CIB3: variants seen among roughly 807,000 people sequenced by gnomAD.
CIB3 encodes calcium and integrin binding family member 3.
In CIB3, 22 loss-of-function variants were observed where a neutral mutation model predicts 23.4. That is an observed-to-expected ratio of 0.94 (90% confidence interval 0.67 to 1.34). The LOEUF (loss-of-function observed/expected upper bound fraction) is 1.34, where lower values mean the gene tolerates loss of function less well. Among genes scored for constraint, CIB3 ranks in the 40% most tolerant of loss-of-function variants. The pLI, the probability that CIB3 is intolerant of heterozygous loss-of-function variation, is 0.00. For synonymous variants in CIB3, 93 were observed against 95.8 expected (o/e 0.97, Z 0.17); for missense variants, 258 against 247.3 (o/e 1.04, Z -0.29).
At chr19:16,170,587 G>A (rs146640341) in intron 2 of CIB3, among the ~76,000 whole-genome samples, 199 of 152,268 alleles carry the variant, frequency 1.3e-3, no homozygotes, top group African/African-American at 3.6e-3. Context: ...TTGGGAGGCC[G>A]AGGCGGGTGG....
At chr19:16,168,084 TCCC>T in intron 4 of CIB3, 50 bp downstream of exon 4, 5 of 1,540,680 alleles carry the variant, frequency 3.2e-6, no homozygotes, top group East Asian at 2.4e-5. Context: ...CCCACCCAGT[TCCC>T]ACTCCCCACC....
At chr19:16,171,739 C>T (rs1002926765) in intron 2 of CIB3, among the ~76,000 whole-genome samples, 3 of 152,238 alleles carry the variant, frequency 2.0e-5, no homozygotes, top group African/African-American at 7.2e-5. Context: ...CCCGCCCTGT[C>T]TGAGCCTCAG....
At chr19:16,166,881 A>G (rs1222012959) in intron 4 of CIB3, among the ~76,000 whole-genome samples, 1 of 152,126 alleles carries the variant, frequency 6.6e-6, no homozygotes, top group East Asian at 1.9e-4. Flanking sequence ...GGAGTTCAAG[A>G]CCAGCCTGGC....
chr19:16,163,572 A>G (rs1003759176), intron 5 of CIB3, among the ~76,000 whole-genome samples: 5 of 152,180 alleles, frequency 3.3e-5, no homozygotes, highest in African/African-American at 1.2e-4. Flanking sequence ...ACAAACAAAC[A>G]AAAAGAAACA....
At chr19:16,163,138 C>T (rs956540454) in intron 5 of CIB3, among the ~76,000 whole-genome samples, 23 of 151,772 alleles carry the variant, frequency 1.5e-4, no homozygotes, top group African/African-American at 4.6e-4. Flanking sequence ...CGCTCGGCCC[C>T]GTAGTCCCAG....
At chr19:16,164,986 C>T (rs1014253877) in intron 4 of CIB3, 73 bp from the exon 5 acceptor site, 8 of 1,317,952 alleles carry the variant, frequency 6.1e-6, no homozygotes, top group Non-Finnish European at 8.7e-6. Flanking sequence ...ACATACTGTG[C>T]CCATGTTACA....
chr19:16,168,321 AC>A (rs1403412904), intron 3 of CIB3, 37 bp from the exon 4 acceptor site: 1 of 1,609,682 alleles, frequency 6.2e-7, no homozygotes, highest in East Asian at 2.2e-5. Context: ...CCATCCTCTG[AC>A]CCCCAAGGTC....
intron 2 of CIB3, among the ~76,000 whole-genome samples, chr19:16,171,774 G>T (rs952491333): frequency 6.6e-6 from 1 of 152,212 alleles, no homozygotes; most frequent in Admixed American, 6.5e-5. Flanking sequence ...ATTTGATCGT[G>T]ATGGCCGAGG....
intron 4 of CIB3, among the ~76,000 whole-genome samples, chr19:16,167,351 A>G (rs1278035816): frequency 6.6e-6 from 1 of 152,232 alleles, no homozygotes; most frequent in African/African-American, 2.4e-5. Flanking sequence ...CTCAGATGAC[A>G]GGTGGTGAGC....
In CIB3 at chr19:16,172,470, T is replaced by C. The variant is rs76871137; in HGVS notation, c.86+692A>G. 2.2e-3 allele frequency among the ~76,000 whole-genome samples: 336 copies of C among 152,206 alleles called. 1 individual carries two copies. Among genetic ancestry groups the C allele is most frequent in the Non-Finnish European group, 3.6e-3 (248 of 67,994 alleles). On this transcript the variant is annotated intron_variant, in intron 2 of 5. Coordinates refer to ENST00000269878, the MANE Select transcript of CIB3 (RefSeq NM_054113.4). ...GCGCCCAGCCTCAGGAGAATCTTTC[T>C]AACGTGCTGATGGTCTCTCCCCTGC...
intron 4 of CIB3, 102 bp from the exon 5 acceptor site, chr19:16,165,015 C>A (rs372110669): frequency 2.0e-6 from 2 of 1,021,424 alleles, no homozygotes; most frequent in South Asian, 1.4e-5. Context: ...AAACTAAGGT[C>A]GGGCACGGTG....
intron 4 of CIB3, 119 bp from the exon 5 acceptor site, chr19:16,165,032 G>A (rs538375667): frequency 1.2e-4 from 97 of 830,820 alleles, no homozygotes; most frequent in Admixed American, 1.1e-3. Flanking sequence ...GGTGGCTCAC[G>A]CCTGTAATCC....
chr19:16,171,280 A>AT (rs530076641), intron 2 of CIB3, among the ~76,000 whole-genome samples: 308 of 152,304 alleles, frequency 2.0e-3, no homozygotes, highest in Middle Eastern at 6.8e-3. Flanking sequence ...GACAAAAGAT[A>AT]TTTTGCAAAT....
At position 16,168,256 on chromosome 19, in the gene CIB3, T is replaced by C; in HGVS notation, c.227A>G (p.Gln76Arg). 1 of 1,613,876 alleles carries C rather than the reference T, an allele frequency of 6.2e-7. No homozygotes were observed. The highest frequency in any genetic ancestry group is 8.5e-7 in the Non-Finnish European group (1 of 1,179,966). ...GCCATCCCCATCCTCAGAGAATACC[T>C]GGGCAATCCTCTGGCGGAAGGGGTT... ...KDNPFRQRIA[Q>R]VFSEDGDGHM... The change falls in exon 4 of 6, where the codon CAG (glutamine) becomes CGG (arginine). Residue 76 changes from glutamine to arginine, a missense_variant. Gln to Arg is a conservative substitution (Grantham distance 43). Transcript: ENST00000269878.
intron 3 of CIB3, among the ~76,000 whole-genome samples, chr19:16,169,390 C>T (rs1049034639): frequency 2.0e-5 from 3 of 152,012 alleles, no homozygotes; most frequent in South Asian, 2.1e-4. Context: ...GTGATCCACC[C>T]GCCTCGGCCT....
intron 5 of CIB3, 78 bp from the exon 6 acceptor site, chr19:16,161,564 C>G: frequency 2.0e-6 from 3 of 1,503,942 alleles, no homozygotes; most frequent in Admixed American, 3.5e-5. Context: ...AACACGCTCA[C>G]GGCAAGTCCC....
chr19:16,168,566 A>G (rs1185514325), intron 3 of CIB3, among the ~76,000 whole-genome samples: 2 of 152,160 alleles, frequency 1.3e-5, no homozygotes, highest in African/African-American at 4.8e-5. Flanking sequence ...TGGCTCTGTG[A>G]TGGGCATGTG....
chr19:16,165,557 C>T (rs1289188534), intron 4 of CIB3, among the ~76,000 whole-genome samples: 3 of 151,996 alleles, frequency 2.0e-5, no homozygotes, highest in Non-Finnish European at 2.9e-5. Context: ...GATTCTCCTG[C>T]CTCAGCCTCC....
At chr19:16,163,319 C>T (rs1240609828) in intron 5 of CIB3, among the ~76,000 whole-genome samples, 1 of 152,128 alleles carries the variant, frequency 6.6e-6, no homozygotes, top group Non-Finnish European at 1.5e-5. Context: ...GTCTGGGAGG[C>T]CACAGTAGGT....
Sources: gnomAD v4.1 joint callset for allele counts (sites outside exome capture counted in the v4.1 genomes callset) on GRCh38, gnomAD v4.1.1 for gene constraint, MANE v1.5 for transcripts, NCBI Gene and HGNC (gene_info 2026-07-23, HGNC 2026-07-21) for gene names.